The following LARS1 variants were observed in gnomAD, a reference collection of about 807,000 sequenced individuals.
The protein encoded by LARS1 is leucyl-tRNA synthetase 1, also known as leucine--tRNA ligase, cytoplasmic.
A neutral mutation model predicts 162.8 loss-of-function variants in LARS1; 100 were observed. That is an observed-to-expected ratio of 0.61 (90% CI 0.52 to 0.73). The LOEUF is 0.73. Among genes scored for constraint, LARS1 ranks in the 30% least tolerant of loss-of-function variants. LARS1 has a pLI of 0.00. For missense variants in LARS1, 1,258 were observed against 1,408.9 expected, an observed-to-expected ratio of 0.89 and a Z score of 1.71; for synonymous variants, 457 against 462.8, an observed-to-expected ratio of 0.99 and a Z score of 0.16.
chr5:146,172,563 T>A (rs949192298), intron 3 of LARS1, 124 bp downstream of exon 3: 1 of 454,004 alleles, frequency 2.2e-6, no homozygotes, highest in Non-Finnish European at 3.9e-6. Flanking sequence ...TATAAAAAAT[T>A]ATGCTTTAAG....
chr5:146,118,418 A>T (rs1751667038), intron 31 of LARS1, among the ~76,000 whole-genome samples: 1 of 152,178 alleles, frequency 6.6e-6, no homozygotes, highest in South Asian at 2.1e-4. Context: ...GTTATAATTA[A>T]ATGGGAGGAA....
chr5:146,138,913 A>G, intron 21 of LARS1: 1 of 320,108 alleles, frequency 3.1e-6, no homozygotes, highest in East Asian at 8.5e-5. Context: ...GGCCCACGGG[A>G]ACAGTAGCAT....
intron 10 of LARS1, 151 bp from the exon 11 acceptor site, chr5:146,154,131 T>C (rs1256116066): frequency 3.3e-6 from 2 of 612,476 alleles, no homozygotes; most frequent in Non-Finnish European, 5.8e-6. Flanking sequence ...ATGGTGACTA[T>C]AGGAAATAAC....
At chr5:146,173,546 T>C (rs1382993005) in intron 2 of LARS1, among the ~76,000 whole-genome samples, 1 of 151,910 alleles carries the variant, frequency 6.6e-6, no homozygotes, top group Non-Finnish European at 1.5e-5. Flanking sequence ...AAGCTTTTTT[T>C]TTTTTTTTAA....
At position 146,182,630 on chromosome 5, in the gene LARS1, G is replaced by A; in HGVS notation, c.-137C>T. The stretch of plus-strand genomic sequence containing the variant: ...AAGCACACGCTTCACACCTGCTGAG[G>A]CAATCATCCGGCTCCTTACTAACTA... On this transcript the variant is annotated 5_prime_UTR_variant, in exon 1 of 32. Coordinates refer to ENST00000394434, the MANE Select transcript of LARS1 (RefSeq NM_020117.11). 8.5e-7 allele frequency: 1 copy of A among 1,175,164 alleles called. No homozygotes were observed. Among genetic ancestry groups the A allele is most frequent in the Non-Finnish European group, 1.3e-6 (1 of 794,468 alleles). The allele number at this position is 1,175,164 out of a possible 1,614,324, so 72.8% of individuals were successfully genotyped here. A position where few individuals can be genotyped will look rare whatever the true frequency, so the allele number is the denominator to read the frequency against.
intron 2 of LARS1, among the ~76,000 whole-genome samples, chr5:146,174,546 G>A (rs11957745): frequency 0.071 from 4,602 of 64,460 alleles, 272 homozygotes; most frequent in Non-Finnish European, 0.13. Flanking sequence ...ATCCATATAT[G>A]TATATATCCA....
At position 146,114,081 on chromosome 5, in the gene LARS1, G is replaced by C. The variant is rs762347420; in HGVS notation, c.*25C>G. The C allele has an allele frequency of 5.7e-6, 9 of 1,569,764 alleles. No homozygotes were observed. The Admixed American group carries it at 1.5e-4, about 26-fold the overall frequency. The stretch of plus-strand genomic sequence containing the variant: ...GAGTAGTAGTATTCCTAAGAAACCA[G>C]GATAAATCTCCAATGTGCATGAGTT... On this transcript the variant is annotated 3_prime_UTR_variant, in exon 32 of 32. Coordinates refer to ENST00000394434, the MANE Select transcript of LARS1 (RefSeq NM_020117.11).
intron 15 of LARS1, among the ~76,000 whole-genome samples, chr5:146,148,532 T>A (rs1753120216): frequency 6.6e-6 from 1 of 152,206 alleles, no homozygotes; most frequent in East Asian, 1.9e-4. Context: ...GTATTATGGA[T>A]AAGCCATGTC....
At position 146,113,959 on chromosome 5, in the gene LARS1, A is replaced by C. The variant is rs148479269; in HGVS notation, c.*147T>G. 1.7e-3 allele frequency: 1,116 copies of C among 653,384 alleles called. 13 individuals carry two copies. The African/African-American group carries it at 0.018, about 11-fold the overall frequency. 40.5% of individuals were successfully genotyped at this position (653,384 alleles called of 1,614,324 possible). ...GTCCAGGAATCAAAGATGACTTGAT[A>C]GAATTATGAATACATGCAGAATTGG... is the stretch of plus-strand genomic sequence containing the variant. On this transcript the variant is annotated 3_prime_UTR_variant, in exon 32 of 32. Transcript: ENST00000394434.
intron 5 of LARS1, among the ~76,000 whole-genome samples, chr5:146,167,243 T>C (rs560675594): frequency 9.2e-5 from 14 of 152,310 alleles, no homozygotes; most frequent in Admixed American, 5.9e-4. Context: ...CCAAAAAGTC[T>C]GTAGTTTAGT....
rs1004566059 is a variant in LARS1 at position 146,182,604 on chromosome 5, A to G, written c.-111T>C. On this transcript the variant is annotated 5_prime_UTR_variant, in exon 1 of 32. An upstream open reading frame in the 5' UTR loses its in-frame stop. Transcript: ENST00000394434. ...GGGATGCCAGGCCTCCCACGAAACT[A>G]AAGCACACGCTTCACACCTGCTGAG... 4.2e-6 allele frequency: 6 copies of G among 1,415,164 alleles called. No individual in the cohort carries two copies. The highest frequency in any genetic ancestry group is 2.8e-5 in the African/African-American group (2 of 71,040). 87.7% of individuals were successfully genotyped at this position (1,415,164 alleles called of 1,614,324 possible).
chr5:146,114,532 G>A, intron 31 of LARS1, among the ~76,000 whole-genome samples: 1 of 152,010 alleles, frequency 6.6e-6, no homozygotes, highest in East Asian at 1.9e-4. Context: ...ACAGGAGTTC[G>A]AGACTAGCCT....
At chr5:146,141,146 T>C (rs1752760710) in intron 20 of LARS1, among the ~76,000 whole-genome samples, 1 of 151,826 alleles carries the variant, frequency 6.6e-6, no homozygotes, top group Non-Finnish European at 1.5e-5. Context: ...ATTCTAGCAA[T>C]GAGATCATAT....
chr5:146,136,944 A>G (rs1263729093), intron 21 of LARS1, among the ~76,000 whole-genome samples: 1 of 152,046 alleles, frequency 6.6e-6, no homozygotes, highest in Non-Finnish European at 1.5e-5. Flanking sequence ...CTTGTCGCGC[A>G]AGGCCTGAGT....
At chr5:146,157,322 A>T in intron 10 of LARS1, 81 bp downstream of exon 10, 2 of 1,228,356 alleles carry the variant, frequency 1.6e-6, no homozygotes, top group Non-Finnish European at 1.2e-6. Context: ...TTAAGGTTGT[A>T]ATGCTCTTTT....
rs772524485 is a variant in LARS1 at position 146,157,639 on chromosome 5, AAAAC to A, written c.840-15_840-12del. ...TTACCTTTCAGGCCACTGAGAAAAAAAAACAAATATTGATGTAAAAACATGTCAA... is the reference window on the plus strand; with the variant it reads ...TTACCTTTCAGGCCACTGAGAAAAAAAAATATTGATGTAAAAACATGTCAA... On this transcript the variant is annotated splice_polypyrimidine_tract_variant and intron_variant, in intron 9 of 31. Transcript: ENST00000394434. 6 of 1,613,698 alleles carry A rather than the reference AAAAC, an allele frequency of 3.7e-6. No homozygotes were observed. In the African/African-American group the frequency reaches 8.0e-5, roughly 22 times the overall value.
intron 15 of LARS1, 47 bp from the exon 16 acceptor site, chr5:146,144,756 T>C: frequency 6.7e-7 from 1 of 1,483,740 alleles, no homozygotes; most frequent in Non-Finnish European, 9.4e-7. Flanking sequence ...GTCAAATCAA[T>C]CTTCATTCCT....
chr5:146,165,298 A>T (rs1336484222), intron 5 of LARS1, among the ~76,000 whole-genome samples: 1 of 152,144 alleles, frequency 6.6e-6, no homozygotes, highest in Non-Finnish European at 1.5e-5. Flanking sequence ...GTGCCACTGT[A>T]CTTCAAAGCC....
chr5:146,143,026 G>T lies in LARS1; in HGVS notation c.1936C>A (p.Pro646Thr). The change falls in exon 20 of 32, where the codon CCT becomes ACT. Residue 646 changes from proline (P) to threonine (T), a missense_variant. Pro to Thr is a conservative substitution (Grantham distance 38, BLOSUM62 -1). Transcript: ENST00000394434. The part of the protein sequence containing the change: ...DYVFFKEAPF[P>T]KTQIAKEKLD... ...TTTTCCTTTGCAATCTGAGTCTTAGGAAATGGAGCCTCCTTGAAGAAAACA... is the reference window on the plus strand; with the variant it reads ...TTTTCCTTTGCAATCTGAGTCTTAGTAAATGGAGCCTCCTTGAAGAAAACA... 1 of 1,613,940 alleles carries T rather than the reference G, an allele frequency of 6.2e-7. No homozygotes were observed. The highest frequency in any genetic ancestry group is 1.1e-5 in the South Asian group (1 of 91,078).
Sources: gnomAD v4.1 joint callset for allele counts (sites outside exome capture counted in the v4.1 genomes callset) on GRCh38, gnomAD v4.1.1 for gene constraint, MANE v1.5 for transcripts, NCBI Gene and HGNC (gene_info 2026-07-23, HGNC 2026-07-21) for gene names.